The following CDIPT variants were observed in gnomAD, a reference collection of about 807,000 sequenced individuals.
CDIPT encodes CDP-diacylglycerol--inositol 3-phosphatidyltransferase, also known as PI synthase.
A neutral mutation model predicts 21.6 loss-of-function variants in CDIPT; 17 were observed. The observed-to-expected ratio is 0.79, with a 90% CI of 0.54 to 1.18. The LOEUF (loss-of-function observed/expected upper bound fraction) is 1.18. CDIPT is among the 50% of genes most tolerant of loss of function. CDIPT has a pLI of 0.00. For synonymous variants in CDIPT, 119 were observed against 117.9 expected, an observed-to-expected ratio of 1.01 and a Z score of -0.06; for missense variants, 254 against 284.9, an observed-to-expected ratio of 0.89 and a Z score of 0.78.
At chr16:29,861,364 T>C in intron 2 of CDIPT, 105 bp from the exon 3 acceptor site, 1 of 1,559,586 alleles carries the variant, frequency 6.4e-7, no homozygotes, top group Non-Finnish European at 8.7e-7. Flanking sequence ...AGACTGGAAG[T>C]GTCCGCCTGC....
In CDIPT at chr16:29,859,204, G is replaced by T; in HGVS notation, c.627C>A (p.Arg209=). The T allele has an allele frequency of 6.3e-7, 1 of 1,596,134 alleles. No individual in the cohort carries two copies. The highest frequency in any genetic ancestry group is 8.5e-7 in the Non-Finnish European group (1 of 1,172,696). Residue 209 remains arginine, a synonymous_variant, in exon 6 of 6, where the codon CGC becomes CGA. Coordinates refer to ENST00000219789, the MANE Select transcript of CDIPT (RefSeq NM_006319.5). This position sits in a 1 kb window ranked among gnomAD's most constrained non-coding sequence, Gnocchi z 4.5. ...RNMAALDAAD[R]AKKK ...GGCTCCAGCGTCACTTCTTCTTGGC[G>T]CGGTCTGCTGCGTCCAGGGCAGCCA...
At position 29,862,890 on chromosome 16, in the gene CDIPT, C is replaced by A; in HGVS notation, c.-33G>T. The A allele has an allele frequency of 6.2e-7, 1 of 1,612,094 alleles. No individual in the cohort carries two copies. Among genetic ancestry groups the A allele is most frequent in the South Asian group, 1.1e-5 (1 of 90,946 alleles). On this transcript the variant is annotated 5_prime_UTR_variant, in exon 1 of 6. Transcript: ENST00000219789. The surrounding 1 kb of genome is among the most constrained non-coding windows in gnomAD (Gnocchi z 6.7). Reference sequence around the variant, plus strand: ...CCTCCCTTGCTGCCCCGGGCCTGCTCTGGAGATGCCAGTGCTGTCCCAGCC... The same window carrying A: ...CCTCCCTTGCTGCCCCGGGCCTGCTATGGAGATGCCAGTGCTGTCCCAGCC...
Position 29,858,927 on chromosome 16 carries a change from G to T in CDIPT, c.*262C>A. On this transcript the variant is annotated 3_prime_UTR_variant, in exon 6 of 6. Coordinates refer to ENST00000219789, the MANE Select transcript of CDIPT (RefSeq NM_006319.5). ...CGGACCCCAGGACTGAGCAGGCAGGGTGTGACACTGCCCGGTCCCGGCACC... is the reference window on the plus strand; with the variant it reads ...CGGACCCCAGGACTGAGCAGGCAGGTTGTGACACTGCCCGGTCCCGGCACC... The T allele has an allele frequency of 1.9e-6, 1 of 525,566 alleles. No individual in the cohort carries two copies. The allele number at this position is 525,566 out of a possible 1,614,324, so 32.6% of individuals were successfully genotyped here.
At chr16:29,860,964 G>T in intron 3 of CDIPT, 142 bp downstream of exon 3, 1 of 752,902 alleles carries the variant, frequency 1.3e-6, no homozygotes. Flanking sequence ...AGGCAGGTTT[G>T]CCTGGGGTCT....
chr16:29,861,477 T>C, intron 2 of CDIPT: 3 of 1,536,016 alleles, frequency 2.0e-6, no homozygotes, highest in Non-Finnish European at 8.7e-7. Context: ...GGGAACAGGG[T>C]AGGAGGAGAG....
In CDIPT at chr16:29,862,938, G is replaced by C. The variant is rs1055188667; in HGVS notation, c.-81C>G. ...GCCCCGCAGCGCGGCCTCAGCCTCC[G>C]GCCCGGCGCATCGGCCGCACCACCT... On this transcript the variant is annotated 5_prime_UTR_variant, in exon 1 of 6. Transcript: ENST00000219789. The surrounding 1 kb of genome is among the most constrained non-coding windows in gnomAD (Gnocchi z 6.7). 1.3e-6 allele frequency: 2 copies of C among 1,540,438 alleles called. No homozygotes were observed. Among genetic ancestry groups the C allele is most frequent in the Admixed American group, 3.4e-5 (2 of 59,578 alleles).
Position 29,862,537 on chromosome 16 carries a change from AG to A in CDIPT, c.178+48del, listed in dbSNP as rs1462554620. On this transcript the variant is annotated intron_variant, in intron 2 of 5. Transcript: ENST00000219789. The surrounding 1 kb of genome is among the most constrained non-coding windows in gnomAD (Gnocchi z 6.7). ...AGGTCCCGAGGAGGCAGGGGAAGGG[AG>A]GAGGGGATTGTTGAACCCCAAGGCT... 1 of 1,543,860 alleles carries A rather than the reference AG, an allele frequency of 6.5e-7. No homozygotes were observed. The highest frequency in any genetic ancestry group is 8.8e-7 in the Non-Finnish European group (1 of 1,140,988).
rs1370605312 is a variant in CDIPT at position 29,862,743 on chromosome 16, C to T, written c.44-23G>A. 1.1e-5 allele frequency: 17 copies of T among 1,613,542 alleles called. No homozygotes were observed. Among genetic ancestry groups the T allele is most frequent in the Non-Finnish European group, 1.4e-5 (17 of 1,179,726 alleles). ...AACCTTGGAACGGGACGCGGGGAGA[C>T]AGGGCAGGATCAGGGAGCCCGCCAA... On this transcript the variant is annotated intron_variant, in intron 1 of 5. Coordinates refer to ENST00000219789, the MANE Select transcript of CDIPT (RefSeq NM_006319.5). This position sits in a 1 kb window ranked among gnomAD's most constrained non-coding sequence, Gnocchi z 6.7.
At position 29,858,996 on chromosome 16, in the gene CDIPT, CCT is replaced by C. The variant is rs2067656071; in HGVS notation, c.*191_*192del. On this transcript the variant is annotated 3_prime_UTR_variant, in exon 6 of 6. Coordinates refer to ENST00000219789, the MANE Select transcript of CDIPT (RefSeq NM_006319.5). ...TGGAGGGGGCCTCCCGCGTATCCTC[CCT>C]GATTTGAGGCCCGGGTCCTCAGGAT... 2 of 651,090 alleles carry C rather than the reference CCT, an allele frequency of 3.1e-6. No homozygotes were observed. The highest frequency in any genetic ancestry group is 3.0e-5 in the Admixed American group (1 of 33,740). The allele number at this position is 651,090 out of a possible 1,614,324, so 40.3% of individuals were successfully genotyped here.
chr16:29,860,585 G>T lies in CDIPT; in HGVS notation c.410C>A (p.Ser137Ter). ...GGGTGTGCAGGAAATGCTTACCCTCGAGGTGTAGTAGATCCGAAGCACCGG... is the reference window on the plus strand; with the variant it reads ...GGGTGTGCAGGAAATGCTTACCCTCTAGGTGTAGTAGATCCGAAGCACCGG... ...GNPVLRIYYTSRPALFTLCAG... is the reference protein window; with the variant it reads ...GNPVLRIYYT Residue 137 changes from serine (S) to a stop codon, truncating the protein, a stop_gained, in exon 4 of 6, where the codon TCG (serine) becomes TAG (stop). Coordinates refer to ENST00000219789, the MANE Select transcript of CDIPT (RefSeq NM_006319.5). LOFTEE classifies it high-confidence loss of function. 6.2e-7 allele frequency: 1 copy of T among 1,603,506 alleles called. No homozygotes were observed. The highest frequency in any genetic ancestry group is 8.5e-7 in the Non-Finnish European group (1 of 1,170,578).
intron 3 of CDIPT, 181 bp downstream of exon 3, chr16:29,860,925 A>G: frequency 1.6e-6 from 1 of 643,264 alleles, no homozygotes; most frequent in Non-Finnish European, 2.7e-6. Context: ...GCTTAATGCA[A>G]CTGTAAACAT....
chr16:29,858,889 G>A lies in CDIPT; in HGVS notation c.*300C>T, dbSNP rs1054796201. The A allele has an allele frequency of 5.9e-5, 21 of 355,548 alleles. No individual in the cohort carries two copies. The highest frequency in any genetic ancestry group is 3.4e-4 in the African/African-American group (16 of 46,506). 22.0% of individuals were successfully genotyped at this position (355,548 alleles called of 1,614,324 possible). A position where few individuals can be genotyped will look rare whatever the true frequency, so the allele number is the denominator to read the frequency against. Reference sequence around the variant, plus strand: ...CTCACACCACCTCCCTCACTCAAGCGTCCCTAGCATCTCGGACCCCAGGAC... The same window carrying A: ...CTCACACCACCTCCCTCACTCAAGCATCCCTAGCATCTCGGACCCCAGGAC... On this transcript the variant is annotated 3_prime_UTR_variant, in exon 6 of 6. Coordinates refer to ENST00000219789, the MANE Select transcript of CDIPT (RefSeq NM_006319.5).
In CDIPT at chr16:29,859,632, T is replaced by A. The variant is rs78091044; in HGVS notation, c.415-109A>T. On this transcript the variant is annotated intron_variant, in intron 4 of 5. Coordinates refer to ENST00000219789, the MANE Select transcript of CDIPT (RefSeq NM_006319.5). This position sits in a 1 kb window ranked among gnomAD's most constrained non-coding sequence, Gnocchi z 4.5. ...CTCGGCATATTACTTCTCTTATTTTTTTTTCTTTTTTACAGACAGGGTCTC... is the reference window on the plus strand; with the variant it reads ...CTCGGCATATTACTTCTCTTATTTTATTTTCTTTTTTACAGACAGGGTCTC... The A allele has an allele frequency of 4.1e-6, 3 of 735,468 alleles. No individual in the cohort carries two copies. Among genetic ancestry groups the A allele is most frequent in the Non-Finnish European group, 7.1e-6 (3 of 422,256 alleles). The allele number at this position is 735,468 out of a possible 1,614,324, so 45.6% of individuals were successfully genotyped here.
rs776196296 is a variant in CDIPT, at chr16:29,862,961, C to T, written c.-104G>A. ...CCGGCCCGGCGCATCGGCCGCACCA[C>T]CTGCGCCCTGGACCCCGCCGCCCCA... On this transcript the variant is annotated 5_prime_UTR_variant, in exon 1 of 6. In the 5' UTR this introduces an upstream ATG that the reference lacks. Coordinates refer to ENST00000219789, the MANE Select transcript of CDIPT (RefSeq NM_006319.5). The surrounding 1 kb of genome is among the most constrained non-coding windows in gnomAD (Gnocchi z 6.7). The T allele has an allele frequency of 1.5e-6, 2 of 1,338,958 alleles. No individual in the cohort carries two copies. Among genetic ancestry groups the T allele is most frequent in the South Asian group, 1.2e-5 (1 of 84,436 alleles). The allele number at this position is 1,338,958 out of a possible 1,614,324, so 82.9% of individuals were successfully genotyped here. A position where few individuals can be genotyped will look rare whatever the true frequency, so the allele number is the denominator to read the frequency against.
chr16:29,861,563 A>G, intron 2 of CDIPT: 2 of 1,462,352 alleles, frequency 1.4e-6, no homozygotes, highest in Non-Finnish European at 1.8e-6. Flanking sequence ...CCTCAGGGGA[A>G]GCCTTACAGT....
chr16:29,860,644 A>G lies in CDIPT; in HGVS notation c.351T>C (p.Ser117=). 6.2e-7 allele frequency: 1 copy of G among 1,610,872 alleles called. No homozygotes were observed. The highest frequency in any genetic ancestry group is 8.5e-7 in the Non-Finnish European group (1 of 1,177,408). ...ACAAGTCGATCATCTTGTGACTCTC[A>G]CTGCCTCGGACCACAGAACTTGGGG... The part of the protein sequence containing the change: ...LHLHSSVVRG[S]ESHKMIDLSG... The change falls in exon 4 of 6, where the codon AGT becomes AGC. Residue 117 remains serine, a synonymous_variant. Transcript: ENST00000219789.
rs1430698642 is a variant in CDIPT, at chr16:29,863,035, C to T, written c.-178G>A. Reference sequence around the variant, plus strand: ...CGCAGCCGTCGGGAGCATGGACCGGCCCCGAGGTGCGCGGGACGCAGGGGG... The same window carrying T: ...CGCAGCCGTCGGGAGCATGGACCGGTCCCGAGGTGCGCGGGACGCAGGGGG... On this transcript the variant is annotated 5_prime_UTR_variant, in exon 1 of 6. Transcript: ENST00000219789. 2.8e-6 allele frequency: 2 copies of T among 724,768 alleles called. No homozygotes were observed. The highest frequency in any genetic ancestry group is 6.2e-5 in the East Asian group (2 of 32,412). 44.9% of individuals were successfully genotyped at this position (724,768 alleles called of 1,614,324 possible). A position where few individuals can be genotyped will look rare whatever the true frequency, so the allele number is the denominator to read the frequency against.
Position 29,859,203 on chromosome 16 carries a change from C to G in CDIPT, c.628G>C (p.Ala210Pro), listed in dbSNP as rs1054446868. ...GGGCTCCAGCGTCACTTCTTCTTGG[C>G]GCGGTCTGCTGCGTCCAGGGCAGCC... ...NMAALDAADR[A>P]KKK The change falls in exon 6 of 6, where the codon GCC becomes CCC. Residue 210 changes from alanine to proline, a missense_variant. Coordinates refer to ENST00000219789, the MANE Select transcript of CDIPT (RefSeq NM_006319.5). This position sits in a 1 kb window ranked among gnomAD's most constrained non-coding sequence, Gnocchi z 4.5. The G allele has an allele frequency of 2.5e-6, 4 of 1,596,300 alleles. No homozygotes were observed. The Admixed American group carries it at 7.0e-5, about 28-fold the overall frequency.
At position 29,859,584 on chromosome 16, in the gene CDIPT, C is replaced by A. The variant is rs1456702226; in HGVS notation, c.415-61G>T. On this transcript the variant is annotated intron_variant, in intron 4 of 5. Coordinates refer to ENST00000219789, the MANE Select transcript of CDIPT (RefSeq NM_006319.5). This position sits in a 1 kb window ranked among gnomAD's most constrained non-coding sequence, Gnocchi z 4.5. ...GCAGGCGTGTGCCACCCCCTGCCCCCCCAGCACTAATGAAGGCACAATCTC... is the reference window on the plus strand; with the variant it reads ...GCAGGCGTGTGCCACCCCCTGCCCCACCAGCACTAATGAAGGCACAATCTC... The A allele has an allele frequency of 4.6e-6, 5 of 1,089,020 alleles. No homozygotes were observed. The highest frequency in any genetic ancestry group is 7.0e-6 in the Non-Finnish European group (5 of 710,524). 67.5% of individuals were successfully genotyped at this position (1,089,020 alleles called of 1,614,324 possible). A position where few individuals can be genotyped will look rare whatever the true frequency, so the allele number is the denominator to read the frequency against.
Sources: gnomAD v4.1 joint callset for allele counts on GRCh38, gnomAD v4.1.1 for gene constraint, Gnocchi (gnomAD v3.1) non-coding constraint, MANE v1.5 for transcripts, NCBI Gene and HGNC (gene_info 2026-07-23, HGNC 2026-07-21) for gene names.